Variants in NPAS3 observed in about 807,000 individuals in gnomAD.
The protein encoded by NPAS3 is neuronal PAS domain protein 3.
Under a neutral mutation model 73.1 loss-of-function variants are expected in NPAS3, and 14 were observed. That is an observed-to-expected ratio of 0.19 (90% CI 0.13 to 0.30). The LOEUF is 0.30. Among genes scored for constraint, NPAS3 ranks in the 10% least tolerant of loss-of-function variants. NPAS3 has a pLI of 1.00. For missense variants in NPAS3, 1,096 were observed against 1,250.0 expected (o/e 0.88, Z 1.86); for synonymous variants, 620 against 541.5 (o/e 1.14, Z -2.01).
At chr14:33,083,371 T>C (rs1342576373) in intron 2 of NPAS3, among the ~76,000 whole-genome samples, 1 of 152,080 alleles carries the variant, frequency 6.6e-6, no homozygotes, top group African/African-American at 2.4e-5. Flanking sequence ...GTAGTAGCTA[T>C]ATTGGCAACT....
chr14:33,149,108 T>G (rs1169003298), intron 2 of NPAS3, among the ~76,000 whole-genome samples: 1 of 152,212 alleles, frequency 6.6e-6, no homozygotes, highest in African/African-American at 2.4e-5. Flanking sequence ...TACCAATGAT[T>G]GATGGTTCAT....
intron 7 of NPAS3, among the ~76,000 whole-genome samples, chr14:33,757,057 G>A (rs1157680916): frequency 1.3e-5 from 2 of 152,204 alleles, no homozygotes; most frequent in Admixed American, 6.5e-5. Flanking sequence ...ATATGGAGAA[G>A]ATAAACACAA....
intron 4 of NPAS3, among the ~76,000 whole-genome samples, chr14:33,434,753 GAAT>G (rs923473711): frequency 2.0e-5 from 3 of 152,102 alleles, no homozygotes; most frequent in African/African-American, 4.8e-5. Flanking sequence ...CAAGTATCAA[GAAT>G]ATAGTACGAG....
intron 4 of NPAS3, among the ~76,000 whole-genome samples, chr14:33,536,661 C>T (rs1326173372): frequency 6.6e-6 from 1 of 151,344 alleles, no homozygotes; most frequent in Non-Finnish European, 1.5e-5. Context: ...AACTGGTTTT[C>T]ATTGTTATTT....
intron 6 of NPAS3, among the ~76,000 whole-genome samples, chr14:33,697,807 A>G (rs1334204962): frequency 1.3e-5 from 2 of 152,210 alleles, no homozygotes; most frequent in African/African-American, 4.8e-5. Context: ...GTGAGATTTT[A>G]TTAATAGATT....
chr14:33,053,577 G>T (rs1435956553), intron 1 of NPAS3, among the ~76,000 whole-genome samples: 1 of 152,210 alleles, frequency 6.6e-6, no homozygotes, highest in South Asian at 2.1e-4. Context: ...AAATCAGGTG[G>T]AGAGAATGAA....
At chr14:33,184,121 A>T (rs2045899902) in intron 2 of NPAS3, among the ~76,000 whole-genome samples, 1 of 152,218 alleles carries the variant, frequency 6.6e-6, no homozygotes, top group African/African-American at 2.4e-5. Flanking sequence ...GTAGTCAGGA[A>T]CGAAGTCAAA....
intron 2 of NPAS3, among the ~76,000 whole-genome samples, chr14:33,197,271 T>G (rs2046400826): frequency 3.5e-5 from 1 of 28,966 alleles, no homozygotes; most frequent in African/African-American, 9.5e-5. Flanking sequence ...GTGTGTGTTC[T>G]TTTTCAATTG....
At chr14:32,988,275 G>A (rs2038176019) in intron 1 of NPAS3, among the ~76,000 whole-genome samples, 1 of 152,042 alleles carries the variant, frequency 6.6e-6, no homozygotes. Context: ...TGCCCTCTAA[G>A]ACTGTGTTTT....
chr14:33,610,438 T>C (rs1411625613), intron 5 of NPAS3, among the ~76,000 whole-genome samples: 1 of 152,180 alleles, frequency 6.6e-6, no homozygotes, highest in Non-Finnish European at 1.5e-5. Flanking sequence ...CCTCTCCTTT[T>C]TTTTCACAAT....
At chr14:33,190,985 T>A (rs949005218) in intron 2 of NPAS3, among the ~76,000 whole-genome samples, 2 of 152,212 alleles carry the variant, frequency 1.3e-5, no homozygotes, top group African/African-American at 2.4e-5. Flanking sequence ...AATTCTTTAT[T>A]GTCTTTCCAT....
chr14:33,132,795 T>C (rs971638277), intron 2 of NPAS3, among the ~76,000 whole-genome samples: 18 of 152,190 alleles, frequency 1.2e-4, no homozygotes, highest in Admixed American at 7.2e-4. Context: ...GTAGTGACTT[T>C]AGAAGCAAAT....
chr14:33,177,071 T>TTTTTTATTATTA (rs1174345534), intron 2 of NPAS3, among the ~76,000 whole-genome samples: 38 of 138,316 alleles, frequency 2.7e-4, no homozygotes, highest in Middle Eastern at 3.6e-3. Context: ...TGTTTATCTT[T>TTTTTTATTATTA]TTATTATTAT....
chr14:33,635,927 G>T (rs1471732814), intron 5 of NPAS3, among the ~76,000 whole-genome samples: 2 of 152,134 alleles, frequency 1.3e-5, no homozygotes, highest in African/African-American at 4.8e-5. Context: ...AAGTGTCATG[G>T]ACTGTAAACA....
chr14:33,406,647 T>A (rs2047680889), intron 4 of NPAS3, among the ~76,000 whole-genome samples: 1 of 152,134 alleles, frequency 6.6e-6, no homozygotes, highest in South Asian at 2.1e-4. Context: ...CAAAGTAATT[T>A]TGCTGAAAAC....
intron 5 of NPAS3, chr14:33,560,442 T>C: frequency 5.2e-6 from 2 of 383,374 alleles, no homozygotes; most frequent in East Asian, 4.2e-5. Context: ...CCAAGGATCA[T>C]TATTAATTTA....
At chr14:33,201,559 G>A (rs543006565) in intron 2 of NPAS3, among the ~76,000 whole-genome samples, 16 of 152,300 alleles carry the variant, frequency 1.1e-4, no homozygotes, top group Non-Finnish European at 2.2e-4. Flanking sequence ...AAAATGCAGA[G>A]AAAAGATAGG....
chr14:33,187,369 T>C (rs1336730115), intron 2 of NPAS3, among the ~76,000 whole-genome samples: 1 of 152,212 alleles, frequency 6.6e-6, no homozygotes, highest in East Asian at 1.9e-4. Context: ...CACACCTTTA[T>C]GTAGGTAATT....
intron 4 of NPAS3, among the ~76,000 whole-genome samples, chr14:33,369,428 G>T (rs1175385437): frequency 3.7e-5 from 3 of 81,560 alleles, no homozygotes; most frequent in African/African-American, 1.3e-4. Flanking sequence ...AAAAAAAAAA[G>T]GATTAAACAT....
Sources: allele counts gnomAD v4.1 joint callset (sites outside exome capture counted in the v4.1 genomes callset), GRCh38; gene constraint gnomAD v4.1.1; transcripts MANE v1.5; gene names NCBI Gene and HGNC (gene_info 2026-07-23, HGNC 2026-07-21).